Variants in PLAC1 observed in about 807,000 individuals in gnomAD.
PLAC1 encodes the protein placenta associated 1.
For synonymous variants in PLAC1, 68 were observed against 62.1 expected, an observed-to-expected ratio of 1.09 and a Z score of -0.44; for missense variants, 136 against 163.2, an observed-to-expected ratio of 0.83 and a Z score of 0.91.
intron 1 of PLAC1, among the ~76,000 whole-genome samples, chrX:134,740,517 G>A (rs1008461932): frequency 2.7e-5 from 3 of 111,301 alleles, no homozygotes; most frequent in Non-Finnish European, 5.6e-5. Flanking sequence ...TAGAGGTCAG[G>A]ACAGTGGTTA....
chrX:134,679,689 C>T (rs1454810838), intron 2 of PLAC1, among the ~76,000 whole-genome samples: 1 of 112,064 alleles, frequency 8.9e-6, no homozygotes, highest in East Asian at 2.8e-4. Context: ...TGTACAGAGA[C>T]TAGCTTAAGT....
chrX:134,640,348 G>T (rs999663145), intron 1 of PLAC1, among the ~76,000 whole-genome samples: 7 of 111,032 alleles, frequency 6.3e-5, no homozygotes, highest in Admixed American at 4.8e-4. Context: ...TTTCTGGGGG[G>T]TCCAATCAAT....
intron 2 of PLAC1, among the ~76,000 whole-genome samples, chrX:134,584,339 T>C (rs1480903808): frequency 8.9e-6 from 1 of 111,990 alleles, no homozygotes; most frequent in Non-Finnish European, 1.9e-5. Flanking sequence ...TATAACCCCA[T>C]TCATCATTCT....
intron 2 of PLAC1, among the ~76,000 whole-genome samples, chrX:134,576,771 C>T (rs763587599): frequency 9.9e-5 from 11 of 110,624 alleles, no homozygotes; most frequent in Non-Finnish European, 1.5e-4. Flanking sequence ...AGGAAGAAGG[C>T]GGCCATGTGC....
chrX:134,582,182 C>T (rs2077978189), intron 2 of PLAC1, among the ~76,000 whole-genome samples: 1 of 112,199 alleles, frequency 8.9e-6, no homozygotes, highest in African/African-American at 3.2e-5. Flanking sequence ...ATGGCAGCTG[C>T]CCTGGCTCAT....
At chrX:134,624,509 G>A (rs1490123976) in intron 1 of PLAC1, among the ~76,000 whole-genome samples, 1 of 112,446 alleles carries the variant, frequency 8.9e-6, no homozygotes, top group Non-Finnish European at 1.9e-5. Context: ...AATGAGAGCA[G>A]AATGGAGCCA....
intron 1 of PLAC1, among the ~76,000 whole-genome samples, chrX:134,635,349 C>A (rs2078278572): frequency 9.0e-6 from 1 of 110,656 alleles, no homozygotes; most frequent in African/African-American, 3.3e-5. Flanking sequence ...CTCTCTTTCT[C>A]TCTCTGGAGA....
At chrX:134,642,849 C>T (rs2078313486) in intron 1 of PLAC1, among the ~76,000 whole-genome samples, 2 of 109,588 alleles carry the variant, frequency 1.8e-5, no homozygotes, top group African/African-American at 6.6e-5. Context: ...AGCAAGTTTG[C>T]TAAAAACGAA....
At chrX:134,727,089 C>T (rs772222388) in intron 2 of PLAC1, among the ~76,000 whole-genome samples, 1 of 111,059 alleles carries the variant, frequency 9.0e-6, no homozygotes, top group African/African-American at 3.3e-5. Context: ...CTCCTTTGCT[C>T]GGAGAGAGAG....
intron 1 of PLAC1, among the ~76,000 whole-genome samples, chrX:134,655,332 TACACACAC>T (rs545237127): frequency 3.0e-5 from 3 of 99,129 alleles, no homozygotes; most frequent in Non-Finnish European, 4.0e-5. Flanking sequence ...TCAATCTATT[TACACACAC>T]ACACACACAC....
At chrX:134,713,589 G>A (rs1389895597) in intron 2 of PLAC1, among the ~76,000 whole-genome samples, 1 of 111,944 alleles carries the variant, frequency 8.9e-6, no homozygotes, top group Non-Finnish European at 1.9e-5. Flanking sequence ...ATTTGGGCAG[G>A]AGTTCGCTGG....
At position 134,642,992 on chromosome X, in the gene PLAC1, T is replaced by C. The variant is rs1384660473; in HGVS notation, c.-131+15336A>G. On this transcript the variant is annotated intron_variant, in intron 1 of 2. Transcript: ENST00000359237. ...AGAGAGGACAGAACTGTATTTAGAATATATTAAAAATCAGATATGAAGGGT... is the reference window on the plus strand; with the variant it reads ...AGAGAGGACAGAACTGTATTTAGAACATATTAAAAATCAGATATGAAGGGT... Among the ~76,000 whole-genome samples, 4 of 109,917 alleles carry C rather than the reference T, an allele frequency of 3.6e-5. No homozygotes were observed. In the Admixed American group the frequency reaches 3.9e-4, roughly 11 times the overall value.
At position 134,629,209 on chromosome X, in the gene PLAC1, C is replaced by G. The variant is rs375401558; in HGVS notation, c.-130-27087G>C. Among the ~76,000 whole-genome samples, 41 of 112,198 alleles carry G rather than the reference C, an allele frequency of 3.7e-4. 4 individuals carry two copies. Among genetic ancestry groups the G allele is most frequent in the Admixed American group, 3.0e-3 (32 of 10,606 alleles). ...TATCTCAGTAATTCTCATCCTCACA[C>G]ATGTACATCCCTTGGTCTCTTACAG... On this transcript the variant is annotated intron_variant, in intron 1 of 2. Coordinates refer to ENST00000359237, the MANE Select transcript of PLAC1 (RefSeq NM_021796.4).
intron 1 of PLAC1, among the ~76,000 whole-genome samples, chrX:134,648,326 G>A (rs2078344763): frequency 9.0e-6 from 1 of 111,059 alleles, no homozygotes; most frequent in African/African-American, 3.3e-5. Context: ...GGAAGACATG[G>A]CTAACTTAAG....
At chrX:134,569,782 G>T (rs933396006) in intron 2 of PLAC1, among the ~76,000 whole-genome samples, 31 of 100,535 alleles carry the variant, frequency 3.1e-4, no homozygotes, top group Middle Eastern at 4.9e-3. Flanking sequence ...GTGTGTGTGT[G>T]TGTGTTTGTG....
intron 1 of PLAC1, among the ~76,000 whole-genome samples, chrX:134,637,811 G>A (rs191677600): frequency 1.3e-4 from 14 of 111,438 alleles, no homozygotes; most frequent in Non-Finnish European, 2.1e-4. Context: ...TCATACCACC[G>A]CACTCCAGCC....
chrX:134,724,136 G>A (rs747077968), intron 2 of PLAC1, among the ~76,000 whole-genome samples: 13 of 112,182 alleles, frequency 1.2e-4, no homozygotes, highest in Non-Finnish European at 2.4e-4. Flanking sequence ...CGCAATGCCA[G>A]GTGGGATCCT....
At chrX:134,712,850 G>A (rs1209560568) in intron 2 of PLAC1, among the ~76,000 whole-genome samples, 1 of 111,452 alleles carries the variant, frequency 9.0e-6, no homozygotes, top group Non-Finnish European at 1.9e-5. Flanking sequence ...GTGTCCTTGG[G>A]GAATCCGCAG....
intron 1 of PLAC1, among the ~76,000 whole-genome samples, chrX:134,618,136 G>T (rs1194043404): frequency 8.9e-6 from 1 of 111,834 alleles, no homozygotes; most frequent in African/African-American, 3.3e-5. Context: ...TGGTTTCAGG[G>T]CTCCTCAACA....
Sources: allele counts gnomAD v4.1 joint callset (sites outside exome capture counted in the v4.1 genomes callset), GRCh38; gene constraint gnomAD v4.1.1; transcripts MANE v1.5; gene names NCBI Gene and HGNC (gene_info 2026-07-23, HGNC 2026-07-21).